Variants in CSGALNACT2 observed in about 807,000 individuals in gnomAD.
CSGALNACT2 encodes the protein beta 4 GalNAcT-2.
In CSGALNACT2, 35 loss-of-function variants were observed where a neutral mutation model predicts 55.3. The ratio of observed to expected loss-of-function variants is 0.63; its 90% CI spans 0.48 to 0.84. CSGALNACT2 has a LOEUF of 0.84. Among genes scored for constraint, CSGALNACT2 ranks in the 40% least tolerant of loss-of-function variants. The probability of loss-of-function intolerance (pLI) is 0.00; values close to 1 mark genes in which losing one functional copy is unlikely to be tolerated. For synonymous variants in CSGALNACT2, 196 were observed against 224.9 expected (o/e 0.87, Z 1.15); for missense variants, 544 against 657.5 (o/e 0.83, Z 1.89).
chr10:43,149,638 G>A (rs1187022086), intron 1 of CSGALNACT2, among the ~76,000 whole-genome samples: 1 of 152,132 alleles, frequency 6.6e-6, no homozygotes, highest in Non-Finnish European at 1.5e-5. Flanking sequence ...TATTCATATA[G>A]GATATTGGCC....
chr10:43,147,609 A>G (rs1050351156), intron 1 of CSGALNACT2, among the ~76,000 whole-genome samples: 1 of 152,080 alleles, frequency 6.6e-6, no homozygotes, highest in South Asian at 2.1e-4. Flanking sequence ...ATTTAGGTCT[A>G]TGATTCACCT....
In CSGALNACT2 at chr10:43,145,660, C is replaced by T. The variant is rs1326542693; in HGVS notation, c.-254+7093C>T. Among the ~76,000 whole-genome samples the T allele has an allele frequency of 3.3e-5, 5 of 152,140 alleles. 1 individual carries two copies. The highest frequency in any genetic ancestry group is 7.4e-5 in the Non-Finnish European group (5 of 68,022). ...ATTCTGGCCTCAAGTGATCCTCCTG[C>T]TTCAACCTCCCAAGGTGCTTACAGG... On this transcript the variant is annotated intron_variant, in intron 1 of 7. Transcript: ENST00000374466.
chr10:43,181,511 C>A (rs929406279), intron 7 of CSGALNACT2, among the ~76,000 whole-genome samples: 12 of 152,170 alleles, frequency 7.9e-5, no homozygotes, highest in African/African-American at 2.9e-4. Flanking sequence ...GGAAGAAAAG[C>A]TGATATGTAT....
intron 1 of CSGALNACT2, among the ~76,000 whole-genome samples, chr10:43,144,549 TAAAC>T (rs1371690980): frequency 1.0e-5 from 1 of 97,188 alleles, no homozygotes; most frequent in East Asian, 2.2e-4. Context: ...TATACTTCAG[TAAAC>T]AAACTGGAGG....
At chr10:43,170,213 T>C (rs933950455) in intron 6 of CSGALNACT2, among the ~76,000 whole-genome samples, 2 of 152,240 alleles carry the variant, frequency 1.3e-5, no homozygotes, top group African/African-American at 4.8e-5. Flanking sequence ...ATTACCTAGC[T>C]GTCAGCTGAG....
intron 4 of CSGALNACT2, chr10:43,163,614 A>G: frequency 1.0e-6 from 1 of 985,434 alleles, no homozygotes; most frequent in South Asian, 4.7e-5. Context: ...TAAGATTCCA[A>G]AGGTCAGTGG....
At chr10:43,165,412 T>G (rs75472595) in intron 5 of CSGALNACT2, among the ~76,000 whole-genome samples, 6,677 of 152,186 alleles carry the variant, frequency 0.044, 180 homozygotes, top group South Asian at 0.089. Context: ...ATGATATATG[T>G]TTATTAGCTT....
chr10:43,176,630 A>G (rs964034081), intron 7 of CSGALNACT2, among the ~76,000 whole-genome samples: 1 of 152,216 alleles, frequency 6.6e-6, no homozygotes, highest in Non-Finnish European at 1.5e-5. Flanking sequence ...CAGTGGCACA[A>G]TCTTGGCTCA....
At chr10:43,168,740 G>T (rs1021634194) in intron 6 of CSGALNACT2, among the ~76,000 whole-genome samples, 7 of 151,126 alleles carry the variant, frequency 4.6e-5, no homozygotes, top group African/African-American at 7.3e-5. Flanking sequence ...CCAGTATTAT[G>T]AATATAAATA....
At chr10:43,165,156 C>T (rs1839236154) in intron 5 of CSGALNACT2, among the ~76,000 whole-genome samples, 1 of 151,824 alleles carries the variant, frequency 6.6e-6, no homozygotes, top group South Asian at 2.1e-4. Flanking sequence ...GCCCAGGAGG[C>T]GGAGCTTGCA....
At chr10:43,166,610 G>T (rs189039752) in intron 5 of CSGALNACT2, among the ~76,000 whole-genome samples, 2 of 152,226 alleles carry the variant, frequency 1.3e-5, no homozygotes, top group African/African-American at 4.8e-5. Context: ...TCTTTCTAAT[G>T]ATTCATTTTT....
chr10:43,167,465 G>A (rs1053132651), intron 6 of CSGALNACT2, among the ~76,000 whole-genome samples: 7 of 152,082 alleles, frequency 4.6e-5, no homozygotes, highest in African/African-American at 1.7e-4. Flanking sequence ...AAATAAGAGG[G>A]AATAGTATAC....
At chr10:43,163,453 G>T in intron 4 of CSGALNACT2, 1 of 915,666 alleles carries the variant, frequency 1.1e-6, no homozygotes, top group Non-Finnish European at 1.3e-6. Flanking sequence ...GTATTAGGGA[G>T]GATCCCTCTG....
chr10:43,182,874 CAAAAAAAAAAACAAAAA>C (rs1034473435), intron 7 of CSGALNACT2, among the ~76,000 whole-genome samples: 5 of 64,834 alleles, frequency 7.7e-5, no homozygotes, highest in African/African-American at 3.1e-4. Context: ...GACCCTGTCT[CAAAAAAAAAAACAAAAA>C]AAAAAAGAAA....
chr10:43,139,521 A>G (rs1015827432), intron 1 of CSGALNACT2, among the ~76,000 whole-genome samples: 1 of 152,260 alleles, frequency 6.6e-6, no homozygotes, highest in Non-Finnish European at 1.5e-5. Flanking sequence ...TACATATGAA[A>G]TCAATAAGAG....
At chr10:43,176,639 C>T (rs1297636816) in intron 7 of CSGALNACT2, among the ~76,000 whole-genome samples, 1 of 152,260 alleles carries the variant, frequency 6.6e-6, no homozygotes, top group Non-Finnish European at 1.5e-5. Flanking sequence ...AATCTTGGCT[C>T]ACTGCAGCCT....
intron 1 of CSGALNACT2, among the ~76,000 whole-genome samples, chr10:43,141,702 A>G (rs1435486264): frequency 6.6e-6 from 1 of 151,942 alleles, no homozygotes; most frequent in Admixed American, 6.6e-5. Context: ...AGAAGAGTCA[A>G]TATACATCTA....
At chr10:43,148,649 A>G (rs1297305133) in intron 1 of CSGALNACT2, among the ~76,000 whole-genome samples, 1 of 152,118 alleles carries the variant, frequency 6.6e-6, no homozygotes, top group African/African-American at 2.4e-5. Context: ...GCCATATTGT[A>G]TACAGGATTG....
chr10:43,171,036 T>A (rs540926547), intron 6 of CSGALNACT2, among the ~76,000 whole-genome samples: 1 of 152,156 alleles, frequency 6.6e-6, no homozygotes, highest in East Asian at 1.9e-4. Context: ...CTGGACTAGG[T>A]CCTAGAATAG....
Sources: gnomAD v4.1 joint callset for allele counts (sites outside exome capture counted in the v4.1 genomes callset) on GRCh38, gnomAD v4.1.1 for gene constraint, MANE v1.5 for transcripts, NCBI Gene and HGNC (gene_info 2026-07-23, HGNC 2026-07-21) for gene names.